PIK3C3: variants seen among roughly 807,000 people sequenced by gnomAD.
PIK3C3 encodes PI3-kinase type 3.
PIK3C3 carries 95 observed loss-of-function variants against 126.1 expected under a neutral mutation model. The ratio of observed to expected loss-of-function variants is 0.75; its 90% CI spans 0.64 to 0.89. PIK3C3 has a LOEUF of 0.89. Ranked by LOEUF, PIK3C3 falls within the 40% of genes least tolerant of loss-of-function variation. PIK3C3 has a pLI of 0.00. For synonymous variants in PIK3C3, 374 were observed against 360.0 expected, an observed-to-expected ratio of 1.04 and a Z score of -0.44; for missense variants, 829 against 1,063.2, an observed-to-expected ratio of 0.78 and a Z score of 3.06.
At chr18:41,994,867 A>G (rs1285671629) in intron 7 of PIK3C3, among the ~76,000 whole-genome samples, 2 of 152,010 alleles carry the variant, frequency 1.3e-5, no homozygotes, top group African/African-American at 4.8e-5. Context: ...GGGAGACCCC[A>G]TCTCTACAAA....
Position 42,004,389 on chromosome 18 carries a change from G to T in PIK3C3, c.1018G>T (p.Asp340Tyr). The change falls in exon 10 of 25, where the codon GAT (aspartate) becomes TAT (tyrosine). Residue 340 changes from aspartate (D) to tyrosine (Y), a missense_variant. By Grantham distance (160) the Asp-to-Tyr change is radical. This residue lies in a region of PIK3C3 where 64 missense variants were observed against 118.7 expected (regional missense o/e 0.54). Coordinates refer to ENST00000262039, the MANE Select transcript of PIK3C3 (RefSeq NM_002647.4). ...LTKFLKCVNW[D>Y]LPQEAKQALE... is the part of the protein sequence containing the mutation. ...AAAATTCTTGAAATGTGTTAATTGG[G>T]ATCTACCTCAAGAGGCCAAACAGGC... 2 of 1,611,500 alleles carry T rather than the reference G, an allele frequency of 1.2e-6. No homozygotes were observed. Among genetic ancestry groups the T allele is most frequent in the Non-Finnish European group, 1.7e-6 (2 of 1,179,308 alleles).
At chr18:42,016,865 G>A (rs1359373532) in intron 12 of PIK3C3, among the ~76,000 whole-genome samples, 1 of 151,962 alleles carries the variant, frequency 6.6e-6, no homozygotes, top group East Asian at 1.9e-4. Context: ...TTGAACAAAG[G>A]GTGATTTACA....
At chr18:42,052,515 T>C (rs1483658294) in intron 21 of PIK3C3, among the ~76,000 whole-genome samples, 1 of 152,176 alleles carries the variant, frequency 6.6e-6, no homozygotes, top group Admixed American at 6.5e-5. Flanking sequence ...TTTCAAGTTT[T>C]TAGTTTTGGT....
In PIK3C3 at chr18:41,990,455, T is replaced by TC. The variant is rs1981720232; in HGVS notation, c.619-3dup. On this transcript the variant is annotated splice_region_variant and splice_polypyrimidine_tract_variant and intron_variant, in intron 5 of 24. Transcript: ENST00000262039. ...TTTTTCATGAAAATCATTTTTTTTT[T>TC]CAGAGTGAAAAACGAAGTTCTAATT... is the stretch of plus-strand genomic sequence containing the variant. 6.6e-7 allele frequency: 1 copy of TC among 1,514,412 alleles called. No individual in the cohort carries two copies. Among genetic ancestry groups the TC allele is most frequent in the Admixed American group, 1.7e-5 (1 of 59,202 alleles). 93.8% of individuals were successfully genotyped at this position (1,514,412 alleles called of 1,614,324 possible).
chr18:41,998,126 C>T (rs1982116525), intron 9 of PIK3C3, among the ~76,000 whole-genome samples: 1 of 152,102 alleles, frequency 6.6e-6, no homozygotes. Flanking sequence ...AGCTTTTCTG[C>T]TTTGTCATTT....
chr18:41,994,473 C>T (rs919620062), intron 7 of PIK3C3, among the ~76,000 whole-genome samples: 4 of 152,108 alleles, frequency 2.6e-5, no homozygotes, highest in African/African-American at 7.2e-5. Flanking sequence ...AGATGATATA[C>T]AGCTGTATCT....
At chr18:41,972,157 A>G (rs934027010) in intron 4 of PIK3C3, among the ~76,000 whole-genome samples, 1 of 152,044 alleles carries the variant, frequency 6.6e-6, no homozygotes, top group Admixed American at 6.6e-5. Flanking sequence ...TACTAGAAAA[A>G]AGATGTGACT....
intron 21 of PIK3C3, among the ~76,000 whole-genome samples, chr18:42,053,686 G>T (rs565480018): frequency 6.6e-6 from 1 of 152,072 alleles, no homozygotes; most frequent in Non-Finnish European, 1.5e-5. Context: ...AATGAAACAT[G>T]GTTTGAGTTT....
chr18:42,027,735 G>T (rs796274883), intron 14 of PIK3C3, among the ~76,000 whole-genome samples, 187 bp downstream of exon 14: 1 of 152,068 alleles, frequency 6.6e-6, no homozygotes, highest in Admixed American at 6.5e-5. Flanking sequence ...GCTCACTGCA[G>T]CCTCTGCCTC....
intron 16 of PIK3C3, 137 bp from the exon 17 acceptor site, chr18:42,037,555 C>G (rs878998159): frequency 3.0e-6 from 2 of 655,950 alleles, no homozygotes; most frequent in Admixed American, 5.5e-5. Context: ...TAATGTATCT[C>G]ATTGAAAACC....
Position 42,041,195 on chromosome 18 carries a change from A to G in PIK3C3, c.2103+454A>G, listed in dbSNP as rs72893448. 1.6e-3 allele frequency among the ~76,000 whole-genome samples: 251 copies of G among 152,212 alleles called. 2 individuals carry two copies. Among genetic ancestry groups the G allele is most frequent in the Non-Finnish European group, 2.7e-3 (181 of 68,002 alleles). On this transcript the variant is annotated intron_variant, in intron 19 of 24. Transcript: ENST00000262039. The stretch of plus-strand genomic sequence containing the variant: ...AGATTCTGTGTCAAAAAAAAACAAA[A>G]AAAACCCCAAAAAAACAGAGTTAAT...
rs1421889040 is a variant in PIK3C3 at position 41,957,666 on chromosome 18, T to G, written c.165T>G (p.Ser55=). Residue 55 remains serine, a synonymous_variant, in exon 2 of 25, where the codon TCT becomes TCG. Transcript: ENST00000262039. ...CAGGACTATATCAAGAGACATGCTC[T>G]GATCTTTATGTTACTTGTCAAGTTT... ...KFSGLYQETC[S]DLYVTCQVFA... 6.2e-7 allele frequency: 1 copy of G among 1,613,924 alleles called. No individual in the cohort carries two copies. The highest frequency in any genetic ancestry group is 1.3e-5 in the African/African-American group (1 of 74,938).
rs1568002716 is a variant in PIK3C3, at chr18:42,054,150, A to ATC, written c.2264-3732_2264-3731insCT. On this transcript the variant is annotated intron_variant, in intron 21 of 24. Transcript: ENST00000262039. ...GGTATATATATATATATATATATAT[A>ATC]TATATATATATATATATATATATAT... 1.2e-3 allele frequency among the ~76,000 whole-genome samples: 27 copies of ATC among 23,124 alleles called. 2 individuals are homozygous for ATC. In the East Asian group the frequency reaches 0.013, roughly 11 times the overall value. The allele number at this position is 23,124 out of a possible 152,430, so 15.2% of individuals were successfully genotyped here.
intron 2 of PIK3C3, 32 bp from the exon 3 acceptor site, chr18:41,962,457 A>T (rs1409090492): frequency 7.1e-6 from 11 of 1,558,300 alleles, no homozygotes; most frequent in Non-Finnish European, 9.6e-6. Context: ...ATATATATGT[A>T]TTTCTGATTT....
chr18:42,040,482 T>A (rs1318924903), intron 18 of PIK3C3, among the ~76,000 whole-genome samples, 195 bp from the exon 19 acceptor site: 6 of 147,572 alleles, frequency 4.1e-5, no homozygotes, highest in Non-Finnish European at 7.5e-5. Context: ...CAGCTTAATT[T>A]AAAAAAAAAA....
At chr18:42,066,511 T>C (rs1985545245) in intron 23 of PIK3C3, among the ~76,000 whole-genome samples, 2 of 152,178 alleles carry the variant, frequency 1.3e-5, no homozygotes, top group South Asian at 4.1e-4. Context: ...CGTAGGATTG[T>C]CTGGAAGCAT....
chr18:42,065,348 A>G (rs1266886806), intron 23 of PIK3C3, among the ~76,000 whole-genome samples: 1 of 152,200 alleles, frequency 6.6e-6, no homozygotes, highest in Non-Finnish European at 1.5e-5. Flanking sequence ...CCATGCACCT[A>G]AGGGAAAATA....
intron 22 of PIK3C3, among the ~76,000 whole-genome samples, chr18:42,062,857 T>G (rs1009899886): frequency 6.6e-6 from 1 of 152,150 alleles, no homozygotes; most frequent in Non-Finnish European, 1.5e-5. Flanking sequence ...ATAACACTAG[T>G]GTCCTATTAG....
At chr18:41,999,555 A>AGGAGG in intron 9 of PIK3C3, among the ~76,000 whole-genome samples, 1 of 152,194 alleles carries the variant, frequency 6.6e-6, no homozygotes, top group East Asian at 1.9e-4. Flanking sequence ...CAGTTCAGCA[A>AGGAGG]GTATTCATTA....
Sources: allele counts gnomAD v4.1 joint callset (sites outside exome capture counted in the v4.1 genomes callset), GRCh38; gene constraint gnomAD v4.1.1; regional missense constraint gnomAD v4.1.1; transcripts MANE v1.5; gene names NCBI Gene and HGNC (gene_info 2026-07-23, HGNC 2026-07-21).